Variants in NHERF2 observed in about 807,000 individuals in gnomAD.
The protein encoded by NHERF2 is Na(+)/H(+) exchange regulatory cofactor NHE-RF2.
At chr16:2,029,271 T>TGG in the NHERF2 span, among the ~76,000 whole-genome samples, 3 of 152,302 alleles carry the variant, frequency 2.0e-5, no homozygotes, top group African/African-American at 7.2e-5. Flanking sequence ...AGACAGGACT[T>TGG]ACCCAGCGGC....
the NHERF2 span, chr16:2,035,447 G>A: frequency 1.0e-6 from 1 of 985,972 alleles, no homozygotes; most frequent in Non-Finnish European, 1.2e-6. Flanking sequence ...TAGGAGGTGA[G>A]GGAAGGGCCC....
At chr16:2,029,526 C>T in the NHERF2 span, 1 of 1,482,260 alleles carries the variant, frequency 6.7e-7, no homozygotes, top group African/African-American at 1.4e-5. Flanking sequence ...TGCCACTGCC[C>T]ATGTGCTGCC....
chr16:2,030,311 G>T, the NHERF2 span, among the ~76,000 whole-genome samples: 1 of 152,196 alleles, frequency 6.6e-6, no homozygotes, highest in Non-Finnish European at 1.5e-5. Context: ...GGGAGCATGG[G>T]AGTGGAGTTG....
At chr16:2,036,359 G>A in the NHERF2 span, 2 of 1,610,868 alleles carry the variant, frequency 1.2e-6, no homozygotes, top group East Asian at 2.2e-5. Context: ...TGCGCCCTCG[G>A]CTCTGCCACC....
the NHERF2 span, chr16:2,038,419 C>G: frequency 5.5e-6 from 2 of 365,622 alleles, no homozygotes; most frequent in Non-Finnish European, 1.0e-5. Flanking sequence ...CTTCCCCTCC[C>G]CCTTCCCCTC....
chr16:2,027,274 G>GCTCGCCCCA, the NHERF2 span: 1 of 1,092,058 alleles, frequency 9.2e-7, no homozygotes, highest in Non-Finnish European at 1.2e-6. Flanking sequence ...GCGTCCCCCT[G>GCTCGCCCCA]GGGCGAGCAG....
At chr16:2,032,689 G>C in the NHERF2 span, 1 of 430,562 alleles carries the variant, frequency 2.3e-6, no homozygotes, top group Non-Finnish European at 3.1e-6. The surrounding 1 kb of genome is among the most constrained non-coding windows in gnomAD (Gnocchi z 4.0). Flanking sequence ...TTTGGGGGCC[G>C]TGAAGGCCTA....
the NHERF2 span, chr16:2,027,084 G>A: frequency 6.2e-6 from 9 of 1,456,488 alleles, no homozygotes; most frequent in Admixed American, 4.7e-5. Flanking sequence ...CCACCTGCAC[G>A]GCGAGAAGGG....
the NHERF2 span, chr16:2,036,077 C>T: frequency 3.9e-6 from 2 of 507,564 alleles, no homozygotes; most frequent in Non-Finnish European, 7.0e-6. Flanking sequence ...GGAATTCTCC[C>T]AGCAACCCGG....
At chr16:2,038,761 A>T in the NHERF2 span, 1 of 175,840 alleles carries the variant, frequency 5.7e-6, no homozygotes, top group Non-Finnish European at 1.2e-5. Flanking sequence ...CACGTCCCCG[A>T]GGAGGGCGGC....
the NHERF2 span, chr16:2,036,250 C>CG: frequency 7.0e-7 from 1 of 1,438,514 alleles, no homozygotes; most frequent in Non-Finnish European, 9.4e-7. Context: ...TGGGCAGTGG[C>CG]GGCACCACCG....
chr16:2,035,065 C>T, the NHERF2 span, among the ~76,000 whole-genome samples: 1 of 152,094 alleles, frequency 6.6e-6, no homozygotes, highest in South Asian at 2.1e-4. Flanking sequence ...CCTGGAGTTT[C>T]TGGTGTGACG....
chr16:2,027,335 T>G, the NHERF2 span: 2 of 498,010 alleles, frequency 4.0e-6, no homozygotes, highest in East Asian at 4.4e-5. Flanking sequence ...GCGGACGTTG[T>G]CGGGAGGCAG....
the NHERF2 span, among the ~76,000 whole-genome samples, chr16:2,031,384 C>A: frequency 2.0e-5 from 3 of 152,208 alleles, no homozygotes; most frequent in African/African-American, 7.2e-5. Context: ...AGCCACCTTC[C>A]CTCCCCCAGG....
the NHERF2 span, among the ~76,000 whole-genome samples, chr16:2,032,220 G>A: frequency 5.9e-5 from 9 of 151,846 alleles, 1 homozygote; most frequent in Admixed American, 5.2e-4. The surrounding 1 kb of genome is among the most constrained non-coding windows in gnomAD (Gnocchi z 4.0). Flanking sequence ...GGGTTTCACC[G>A]TGTTGGCCAG....
At chr16:2,031,599 T>C in the NHERF2 span, among the ~76,000 whole-genome samples, 1 of 152,026 alleles carries the variant, frequency 6.6e-6, no homozygotes, top group Non-Finnish European at 1.5e-5. Context: ...CCTCTGGGTG[T>C]ATTTTTAGAG....
the NHERF2 span, chr16:2,035,817 C>A: frequency 2.5e-6 from 1 of 407,768 alleles, no homozygotes; most frequent in Non-Finnish European, 3.3e-6. Flanking sequence ...GGGGGTGGGG[C>A]GGCTCATTTT....
chr16:2,026,952 C>T, the NHERF2 span: 3 of 770,758 alleles, frequency 3.9e-6, no homozygotes, highest in Non-Finnish European at 3.1e-6. Context: ...GCCGCCGCCG[C>T]CCCCGAGCTC....
chr16:2,029,308 C>T, the NHERF2 span, among the ~76,000 whole-genome samples: 14 of 151,798 alleles, frequency 9.2e-5, no homozygotes, highest in African/African-American at 1.9e-4. Context: ...TTCCCAGCCC[C>T]GCCTGGAGAA....
Sources: gnomAD v4.1 joint callset for allele counts (sites outside exome capture counted in the v4.1 genomes callset) on GRCh38, gnomAD v4.1.1 for gene constraint, Gnocchi (gnomAD v3.1) non-coding constraint, MANE v1.5 for transcripts, NCBI Gene and HGNC (gene_info 2026-07-23, HGNC 2026-07-21) for gene names.